Variants in AGBL4 observed in about 807,000 individuals in gnomAD.
The protein encoded by AGBL4 is cytosolic carboxypeptidase 6.
Under a neutral mutation model 66.4 loss-of-function variants are expected in AGBL4, and 58 were observed. The observed-to-expected ratio is 0.87, with a 90% CI of 0.71 to 1.09. AGBL4 has a LOEUF of 1.09. AGBL4 is among the 50% of genes least tolerant of loss of function. AGBL4 has a pLI of 0.00. For missense variants in AGBL4, 579 were observed against 631.0 expected, an observed-to-expected ratio of 0.92 and a Z score of 0.88; for synonymous variants, 234 against 222.9, an observed-to-expected ratio of 1.05 and a Z score of -0.44.
intron 1 of AGBL4, among the ~76,000 whole-genome samples, chr1:49,909,028 T>A (rs766259133): frequency 6.6e-6 from 1 of 152,104 alleles, no homozygotes; most frequent in Admixed American, 6.6e-5. Context: ...AAGTACACAA[T>A]AGAAGAAGAT....
the AGBL4 span, among the ~76,000 whole-genome samples, chr1:48,527,132 G>T: frequency 3.3e-5 from 5 of 152,074 alleles, no homozygotes; most frequent in African/African-American, 4.8e-5. Context: ...TAGAATTTTC[G>T]ATTTGAGATT....
intron 5 of AGBL4, among the ~76,000 whole-genome samples, chr1:48,876,962 G>A (rs144346908): frequency 3.9e-5 from 6 of 152,306 alleles, no homozygotes; most frequent in African/African-American, 1.4e-4. Context: ...TTAAGATGCA[G>A]CATGCATGAT....
At chr1:48,958,124 C>T (rs1173600776) in intron 5 of AGBL4, among the ~76,000 whole-genome samples, 2 of 152,094 alleles carry the variant, frequency 1.3e-5, no homozygotes. Flanking sequence ...TCCCAAAGTG[C>T]TGGGATTACA....
chr1:49,177,493 T>G (rs962732154), intron 4 of AGBL4, among the ~76,000 whole-genome samples: 4 of 152,166 alleles, frequency 2.6e-5, no homozygotes, highest in African/African-American at 7.2e-5. Flanking sequence ...CATGCCTATT[T>G]GCTGATGAAA....
intron 6 of AGBL4, among the ~76,000 whole-genome samples, chr1:48,828,094 GC>G (rs1334594242): frequency 6.7e-6 from 1 of 150,146 alleles, no homozygotes; most frequent in African/African-American, 2.5e-5. Flanking sequence ...TACTTGGGAG[GC>G]TGAGGCAGAA....
chr1:49,537,627 C>T (rs1370917985), intron 3 of AGBL4, among the ~76,000 whole-genome samples: 3 of 152,126 alleles, frequency 2.0e-5, no homozygotes, highest in Non-Finnish European at 4.4e-5. Flanking sequence ...GTCAGAATGA[C>T]AAGGGTAAGT....
intron 5 of AGBL4, among the ~76,000 whole-genome samples, chr1:48,893,421 CCTGTAATCCCAGCA>C (rs1240012822): frequency 6.6e-6 from 1 of 152,006 alleles, no homozygotes; most frequent in East Asian, 1.9e-4. Context: ...GTGGCTCATG[CCTGTAATCCCAGCA>C]CTTTGGGAGG....
intron 2 of AGBL4, among the ~76,000 whole-genome samples, chr1:49,722,042 A>C (rs919650345): frequency 1.3e-5 from 2 of 152,134 alleles, no homozygotes; most frequent in African/African-American, 4.8e-5. Flanking sequence ...TTATTAAAAG[A>C]AGCAAATGAA....
intron 2 of AGBL4, chr1:49,845,762 G>T (rs1055682194): frequency 1.3e-6 from 2 of 1,583,732 alleles, no homozygotes; most frequent in Non-Finnish European, 1.7e-6. Context: ...TGCAACGAGT[G>T]TGGGAAAACC....
At chr1:49,886,261 C>A (rs901125983) in intron 1 of AGBL4, among the ~76,000 whole-genome samples, 1 of 152,018 alleles carries the variant, frequency 6.6e-6, no homozygotes, top group African/African-American at 2.4e-5. Flanking sequence ...ATTGAGATAC[C>A]TATATTCAGA....
intron 1 of AGBL4, among the ~76,000 whole-genome samples, chr1:49,949,996 G>A (rs189286013): frequency 3.5e-4 from 38 of 108,080 alleles, no homozygotes; most frequent in Non-Finnish European, 6.7e-4. Flanking sequence ...ATATATATAT[G>A]TGTATATATA....
At chr1:49,108,757 C>A (rs1225649950) in intron 4 of AGBL4, among the ~76,000 whole-genome samples, 1 of 152,146 alleles carries the variant, frequency 6.6e-6, no homozygotes, top group Admixed American at 6.5e-5. Context: ...CATGTGCCAC[C>A]TGCCAGCAGG....
intron 4 of AGBL4, chr1:49,174,844 A>C (rs962524135): frequency 4.6e-5 from 7 of 152,170 alleles, no homozygotes; most frequent in African/African-American, 1.7e-4. Context: ...GGAAAAAAAA[A>C]CACTGCCATC....
intron 3 of AGBL4, among the ~76,000 whole-genome samples, chr1:49,523,270 G>A (rs758277833): frequency 6.6e-6 from 1 of 151,926 alleles, no homozygotes; most frequent in Non-Finnish European, 1.5e-5. Flanking sequence ...TAAATACCAA[G>A]CAAAATAGGC....
At chr1:49,471,866 C>T (rs1328070251) in intron 3 of AGBL4, 1 of 152,094 alleles carries the variant, frequency 6.6e-6, no homozygotes, top group African/African-American at 2.4e-5. Flanking sequence ...CCAACCCCAC[C>T]ATCAGAGTGG....
intron 9 of AGBL4, among the ~76,000 whole-genome samples, chr1:48,631,700 C>A (rs1645596818): frequency 6.6e-6 from 1 of 152,136 alleles, no homozygotes; most frequent in South Asian, 2.1e-4. Flanking sequence ...GGCCTCGCAT[C>A]ATTTTTAATA....
intron 6 of AGBL4, among the ~76,000 whole-genome samples, chr1:48,854,676 A>C (rs1647106251): frequency 1.3e-5 from 2 of 152,210 alleles, no homozygotes; most frequent in Non-Finnish European, 2.9e-5. Context: ...GCCACCTCTC[A>C]GCCAATCGGC....
intron 3 of AGBL4, among the ~76,000 whole-genome samples, chr1:49,694,361 A>G (rs1361192424): frequency 4.6e-5 from 7 of 152,146 alleles, no homozygotes; most frequent in Non-Finnish European, 1.0e-4. Flanking sequence ...CTAGAGATAT[A>G]TATTGTATCT....
chr1:49,473,648 T>A (rs1275751715), intron 3 of AGBL4, among the ~76,000 whole-genome samples: 1 of 152,128 alleles, frequency 6.6e-6, no homozygotes, highest in African/African-American at 2.4e-5. Context: ...TAGGTCCCAC[T>A]TGTCAATTTT....
Sources: gnomAD v4.1 joint callset for allele counts (sites outside exome capture counted in the v4.1 genomes callset) on GRCh38, gnomAD v4.1.1 for gene constraint, MANE v1.5 for transcripts, NCBI Gene and HGNC (gene_info 2026-07-23, HGNC 2026-07-21) for gene names.